The following USP54 variants were observed in gnomAD, a reference collection of about 807,000 sequenced individuals.
The protein encoded by USP54 is ubiquitin specific peptidase 54.
In USP54, 87 loss-of-function variants were observed where a neutral mutation model predicts 170.5. The observed-to-expected ratio is 0.51, with a 90% confidence interval of 0.43 to 0.61. The LOEUF is 0.61. Ranked by LOEUF, USP54 falls within the 20% of genes least tolerant of loss-of-function variation. The pLI is 0.00. For missense variants in USP54, 1,786 were observed against 2,047.8 expected (o/e 0.87, Z 2.47); for synonymous variants, 655 against 742.8 (o/e 0.88, Z 1.92).
intron 1 of USP54, among the ~76,000 whole-genome samples, chr10:73,616,083 C>T (rs962553558): frequency 6.7e-6 from 1 of 149,940 alleles, no homozygotes; most frequent in Non-Finnish European, 1.5e-5. Flanking sequence ...AGGTGGCTCA[C>T]GCCTGTAATC....
At chr10:73,580,277 C>T (rs928587117) in intron 1 of USP54, among the ~76,000 whole-genome samples, 1 of 149,848 alleles carries the variant, frequency 6.7e-6, no homozygotes, top group African/African-American at 2.5e-5. Flanking sequence ...CGAGATCAAG[C>T]CACTGCACTC....
chr10:73,600,296 C>T (rs1359899534), intron 1 of USP54, among the ~76,000 whole-genome samples: 8 of 151,890 alleles, frequency 5.3e-5, no homozygotes, highest in Non-Finnish European at 1.2e-4. Flanking sequence ...TTTTAATTAG[C>T]GGTTGACAGG....
At chr10:73,541,771 T>A (rs1168312918) in intron 7 of USP54, 33 bp from the exon 8 acceptor site, 1 of 1,600,098 alleles carries the variant, frequency 6.2e-7, no homozygotes, top group African/African-American at 1.3e-5. Flanking sequence ...GGGATGATGG[T>A]TTGTATTTAG....
intron 4 of USP54, among the ~76,000 whole-genome samples, chr10:73,568,576 G>A (rs192629224): frequency 1.9e-3 from 295 of 152,026 alleles, no homozygotes; most frequent in African/African-American, 6.5e-3. Context: ...TAGCACTGAG[G>A]AACTGAAAAG....
intron 23 of USP54, chr10:73,499,534 A>T (rs2057612711): frequency 5.4e-6 from 1 of 185,908 alleles, no homozygotes; most frequent in South Asian, 1.2e-4. Context: ...CTTTGTGATG[A>T]CTATACTCCT....
intron 20 of USP54, among the ~76,000 whole-genome samples, chr10:73,508,418 A>G (rs1044972666): frequency 6.6e-6 from 1 of 151,950 alleles, no homozygotes; most frequent in Non-Finnish European, 1.5e-5. Context: ...AAAAAAAAAA[A>G]AAGAATTTAA....
intron 20 of USP54, among the ~76,000 whole-genome samples, chr10:73,507,815 C>T (rs988931463): frequency 6.6e-6 from 1 of 151,460 alleles, no homozygotes; most frequent in African/African-American, 2.4e-5. Flanking sequence ...TAGTGAGACC[C>T]CATCTCTAAA....
At chr10:73,519,037 G>A (rs1195453434) in intron 19 of USP54, 1 of 148,650 alleles carries the variant, frequency 6.7e-6, no homozygotes, top group Non-Finnish European at 1.5e-5. Context: ...AACTATTTTT[G>A]AACATTTGCC....
chr10:73,542,155 G>A (rs536949791), intron 7 of USP54, among the ~76,000 whole-genome samples: 2 of 152,256 alleles, frequency 1.3e-5, no homozygotes, highest in South Asian at 4.1e-4. Context: ...CTGGAGTGCA[G>A]GGGCTCAATC....
intron 1 of USP54, among the ~76,000 whole-genome samples, chr10:73,600,971 A>G (rs1253835745): frequency 6.6e-6 from 1 of 152,178 alleles, no homozygotes; most frequent in Non-Finnish European, 1.5e-5. Flanking sequence ...TAATTTGTAC[A>G]TCAAACCCCT....
At chr10:73,548,526 T>C (rs1407268058) in intron 4 of USP54, among the ~76,000 whole-genome samples, 2 of 152,006 alleles carry the variant, frequency 1.3e-5, no homozygotes, top group African/African-American at 4.8e-5. Context: ...GTGGCACATA[T>C]ACACCATGGA....
rs2140935 is a variant in USP54 at position 73,584,940 on chromosome 10, A to G, written c.-582+6338T>C. Among the ~76,000 whole-genome samples the G allele has an allele frequency of 0.033, 5,077 of 152,194 alleles. 510 individuals are homozygous for G. In the East Asian group the frequency reaches 0.37, roughly 11 times the overall value. On this transcript the variant is annotated intron_variant, in intron 1 of 23. Transcript: ENST00000687698. ...CACCACATCTGGACCACTGCACCAC[A>G]TTACTGACTCATTGCCAGTCCTCTA...
chr10:73,614,464 G>A (rs778382867), intron 1 of USP54, among the ~76,000 whole-genome samples: 1 of 148,540 alleles, frequency 6.7e-6, no homozygotes, highest in Non-Finnish European at 1.5e-5. Context: ...CAGAGGTTGA[G>A]GCAGAGAATC....
At chr10:73,603,427 A>G (rs2079357894) in intron 1 of USP54, among the ~76,000 whole-genome samples, 1 of 152,120 alleles carries the variant, frequency 6.6e-6, no homozygotes, top group African/African-American at 2.4e-5. Flanking sequence ...ATATATAAAG[A>G]CCTCCTGCCA....
chr10:73,505,816 G>A (rs866756161), intron 20 of USP54: 1 of 156,454 alleles, frequency 6.4e-6, no homozygotes, highest in Non-Finnish European at 1.4e-5. Flanking sequence ...CTTGCAGTGA[G>A]CGGAGATCAC....
At chr10:73,596,052 A>G (rs1292217140), upstream of USP54, among the ~76,000 whole-genome samples, 2 of 150,932 alleles carry the variant, frequency 1.3e-5, no homozygotes, top group Non-Finnish European at 2.9e-5. Context: ...CGGAGGTTGC[A>G]GTGAGCTGAG....
intron 20 of USP54, among the ~76,000 whole-genome samples, chr10:73,508,782 C>T (rs2059657798): frequency 6.6e-6 from 1 of 151,670 alleles, no homozygotes; most frequent in Non-Finnish European, 1.5e-5. Context: ...ATTCTCCTGC[C>T]TCAGCCTCCC....
At chr10:73,563,215 A>G (rs1002347580) in intron 4 of USP54, among the ~76,000 whole-genome samples, 3 of 152,030 alleles carry the variant, frequency 2.0e-5, no homozygotes, top group African/African-American at 7.2e-5. Flanking sequence ...CAGCCTCCCA[A>G]AGTGCTGGGA....
At chr10:73,554,315 G>C (rs979467231) in intron 4 of USP54, among the ~76,000 whole-genome samples, 3 of 151,784 alleles carry the variant, frequency 2.0e-5, no homozygotes, top group African/African-American at 7.2e-5. Context: ...TCAATTCTTA[G>C]GGTTTCTCTT....
Sources: allele counts gnomAD v4.1 joint callset (sites outside exome capture counted in the v4.1 genomes callset), GRCh38; gene constraint gnomAD v4.1.1; transcripts MANE v1.5; gene names NCBI Gene and HGNC (gene_info 2026-07-23, HGNC 2026-07-21).